ANO10: variants seen among roughly 807,000 people sequenced by gnomAD.
ANO10 encodes the protein anoctamin-10.
In ANO10, 77 loss-of-function variants were observed where a neutral mutation model predicts 74.7. That is an observed-to-expected ratio of 1.03 (90% CI 0.86 to 1.25). The LOEUF is 1.25. ANO10 is among the 50% of genes most tolerant of loss of function. ANO10 has a pLI of 0.00. For synonymous variants in ANO10, 279 were observed against 284.9 expected (o/e 0.98, Z 0.21); for missense variants, 721 against 778.1 (o/e 0.93, Z 0.87).
At chr3:43,609,150 T>C (rs1390543598) in intron 1 of ANO10, among the ~76,000 whole-genome samples, 2 of 152,150 alleles carry the variant, frequency 1.3e-5, no homozygotes, top group Non-Finnish European at 2.9e-5. Context: ...ATGAAGAAGT[T>C]ACTTTGTTAA....
In ANO10 at chr3:43,643,125, G is replaced by A. The variant is rs527420620; in HGVS notation, c.-11-37262C>T. ...CGGCTCACTGCAAGCTCCGCCTCCC[G>A]GGTTCACGCCATTCTCCTAACTCAG... On this transcript the variant is annotated intron_variant, in intron 1 of 3. Coordinates refer to the ANO10 transcript ENST00000413397. Among the ~76,000 whole-genome samples, 31 of 151,046 alleles carry A rather than the reference G, an allele frequency of 2.1e-4. 1 individual carries two copies. The East Asian group carries it at 4.3e-3, about 21-fold the overall frequency.
At chr3:43,430,856 T>C (rs1372738156) in intron 12 of ANO10, among the ~76,000 whole-genome samples, 1 of 152,108 alleles carries the variant, frequency 6.6e-6, no homozygotes, top group Non-Finnish European at 1.5e-5. Context: ...TAAAAAAAAT[T>C]GTTCTATAAG....
At chr3:43,481,958 T>C in intron 11 of ANO10, among the ~76,000 whole-genome samples, 1 of 149,086 alleles carries the variant, frequency 6.7e-6, no homozygotes, top group Admixed American at 6.7e-5. Flanking sequence ...GACAGAGTCT[T>C]GCTCTTGTCA....
At position 43,642,554 on chromosome 3, in the gene ANO10, CT is replaced by C. The variant is rs200539979; in HGVS notation, c.-11-36692del. 6.6e-4 allele frequency among the ~76,000 whole-genome samples: 100 copies of C among 152,104 alleles called. 1 individual carries two copies. In the East Asian group the frequency reaches 0.018, roughly 28 times the overall value. On this transcript the variant is annotated intron_variant, in intron 1 of 3. Coordinates refer to the ANO10 transcript ENST00000413397. ...TTCCATTTTAGGATTTTACTTTTGT[CT>C]TTTTTATTTGAATTTTTTAAATATA...
chr3:43,428,545 G>C (rs1232990277), intron 12 of ANO10, among the ~76,000 whole-genome samples: 1 of 151,626 alleles, frequency 6.6e-6, no homozygotes, highest in Non-Finnish European at 1.5e-5. Flanking sequence ...TTCAGGGCAA[G>C]CTATGAACGT....
At chr3:43,512,453 T>C (rs1027002390) in intron 11 of ANO10, among the ~76,000 whole-genome samples, 9 of 152,200 alleles carry the variant, frequency 5.9e-5, no homozygotes, top group Non-Finnish European at 8.8e-5. Context: ...TATTAGGCAT[T>C]ATTTTGCAAA....
chr3:43,688,571 G>T (rs972874112), intron 1 of ANO10, among the ~76,000 whole-genome samples: 1 of 152,152 alleles, frequency 6.6e-6, no homozygotes, highest in African/African-American at 2.4e-5. Flanking sequence ...AGCTGGGCGC[G>T]GTGGCTCATG....
chr3:43,498,259 C>T (rs1034866565), intron 11 of ANO10, among the ~76,000 whole-genome samples: 3 of 152,164 alleles, frequency 2.0e-5, no homozygotes, highest in African/African-American at 7.2e-5. Flanking sequence ...AGTTTTCCTG[C>T]CCACTTCTTG....
intron 12 of ANO10, among the ~76,000 whole-genome samples, chr3:43,417,436 C>A (rs2092757293): frequency 6.6e-6 from 1 of 152,166 alleles, no homozygotes; most frequent in South Asian, 2.1e-4. Context: ...AAATCAGACA[C>A]TGCCTCCTCA....
At chr3:43,461,021 A>T (rs1295383395) in intron 11 of ANO10, among the ~76,000 whole-genome samples, 1 of 152,028 alleles carries the variant, frequency 6.6e-6, no homozygotes, top group Non-Finnish European at 1.5e-5. Context: ...AAAATGAAGA[A>T]AATATTAAAA....
chr3:43,475,152 TA>T (rs1286199767), intron 11 of ANO10, among the ~76,000 whole-genome samples: 1 of 152,338 alleles, frequency 6.6e-6, no homozygotes, highest in African/African-American at 2.4e-5. Flanking sequence ...TTTCCAAGGA[TA>T]AATACTTACA....
intron 2 of ANO10, among the ~76,000 whole-genome samples, chr3:43,604,094 A>T (rs951268501): frequency 1.3e-5 from 2 of 152,130 alleles, no homozygotes; most frequent in Non-Finnish European, 1.5e-5. Context: ...TTTTTATTTT[A>T]ATTGGCATAT....
At chr3:43,556,664 C>G (rs2079765668) in intron 9 of ANO10, among the ~76,000 whole-genome samples, 1 of 152,152 alleles carries the variant, frequency 6.6e-6, no homozygotes, top group Admixed American at 6.5e-5. Flanking sequence ...AACCAAGACA[C>G]AATCTACCCT....
chr3:43,399,399 G>C (rs1036165270), intron 12 of ANO10, among the ~76,000 whole-genome samples: 2 of 152,072 alleles, frequency 1.3e-5, no homozygotes, highest in Non-Finnish European at 2.9e-5. Flanking sequence ...GTTTTTATTA[G>C]AATGTTCTCA....
At chr3:43,507,573 CA>C (rs1235921345) in intron 11 of ANO10, among the ~76,000 whole-genome samples, 17 of 140,470 alleles carry the variant, frequency 1.2e-4, no homozygotes, top group African/African-American at 1.8e-4. Flanking sequence ...TTACAAGGGA[CA>C]AAAAAAAAAG....
At chr3:43,412,005 T>TTA (rs1178080879) in intron 12 of ANO10, among the ~76,000 whole-genome samples, 2 of 148,248 alleles carry the variant, frequency 1.3e-5, no homozygotes, top group African/African-American at 2.4e-5. Flanking sequence ...AAAAACATAT[T>TTA]TATATATATA....
chr3:43,676,059 A>G (rs1282198084), intron 1 of ANO10, among the ~76,000 whole-genome samples: 1 of 152,230 alleles, frequency 6.6e-6, no homozygotes, highest in South Asian at 2.1e-4. Context: ...AACTATGGGT[A>G]TATTAAACCG....
intron 1 of ANO10, among the ~76,000 whole-genome samples, chr3:43,685,115 C>G (rs924954491): frequency 6.6e-6 from 1 of 152,150 alleles, no homozygotes; most frequent in Non-Finnish European, 1.5e-5. Context: ...TTTATTTTAT[C>G]TAAGTCATCA....
intron 12 of ANO10, among the ~76,000 whole-genome samples, chr3:43,405,756 G>A (rs1475987991): frequency 6.6e-6 from 1 of 152,046 alleles, no homozygotes; most frequent in Non-Finnish European, 1.5e-5. Context: ...TTACAGGCGT[G>A]AGCCACTGCA....
Sources: gnomAD v4.1 joint callset for allele counts (sites outside exome capture counted in the v4.1 genomes callset) on GRCh38, gnomAD v4.1.1 for gene constraint, MANE v1.5 for transcripts, NCBI Gene and HGNC (gene_info 2026-07-23, HGNC 2026-07-21) for gene names.